MMEL1: variants seen among roughly 807,000 people sequenced by gnomAD.
MMEL1 encodes membrane metalloendopeptidase like 1.
In MMEL1, 98 loss-of-function variants were observed where a neutral mutation model predicts 117.1. That is an observed-to-expected ratio of 0.84 (90% CI 0.71 to 0.99). The LOEUF (loss-of-function observed/expected upper bound fraction) is 0.99. Among genes scored for constraint, MMEL1 ranks in the 50% least tolerant of loss-of-function variants. The probability of loss-of-function intolerance (pLI) is 0.00; values close to 1 mark genes in which losing one functional copy is unlikely to be tolerated. For missense variants in MMEL1, 1,014 were observed against 1,049.1 expected (o/e 0.97, Z 0.46); for synonymous variants, 390 against 415.1 (o/e 0.94, Z 0.74).
intron 2 of MMEL1, among the ~76,000 whole-genome samples, chr1:2,626,155 C>T (rs764976926): frequency 3.3e-5 from 5 of 152,108 alleles, no homozygotes; most frequent in Admixed American, 6.5e-5. Context: ...GATTATGTAC[C>T]GATTCATGGG....
At chr1:2,608,829 T>A (rs896383491) in intron 6 of MMEL1, among the ~76,000 whole-genome samples, 1 of 151,906 alleles carries the variant, frequency 6.6e-6, no homozygotes, top group Non-Finnish European at 1.5e-5. Flanking sequence ...ACAACACACA[T>A]ACATGCATAC....
chr1:2,597,467 C>G (rs1329736475), intron 13 of MMEL1, among the ~76,000 whole-genome samples: 1 of 152,070 alleles, frequency 6.6e-6, no homozygotes, highest in Non-Finnish European at 1.5e-5. Flanking sequence ...CTGCCCTTAG[C>G]CCCTATACCC....
chr1:2,607,869 G>C (rs1028705038), intron 6 of MMEL1, among the ~76,000 whole-genome samples: 4 of 152,116 alleles, frequency 2.6e-5, no homozygotes, highest in Non-Finnish European at 4.4e-5. Flanking sequence ...GAGGCTGCCT[G>C]TGATGAGGCA....
chr1:2,598,220 ACTC>A lies in MMEL1; in HGVS notation c.1256_1258del (p.Arg419_Val420delinsLeu). Reference sequence around the variant, plus strand: ...GAAGGGGCTCACCTTGCGGTAGTTCACTCGTGTGTCCTTGAATCTCTGGCTTAG... The same window carrying A: ...GAAGGGGCTCACCTTGCGGTAGTTCAGTGTGTCCTTGAATCTCTGGCTTAG... On this transcript the variant is annotated inframe_deletion, in exon 13 of 24. Coordinates refer to ENST00000378412, the MANE Select transcript of MMEL1 (RefSeq NM_033467.4). 1 of 1,613,638 alleles carries A rather than the reference ACTC, an allele frequency of 6.2e-7. No homozygotes were observed. The highest frequency in any genetic ancestry group is 8.5e-7 in the Non-Finnish European group (1 of 1,179,872).
At chr1:2,618,459 A>C (rs1645237876) in intron 2 of MMEL1, among the ~76,000 whole-genome samples, 2 of 152,220 alleles carry the variant, frequency 1.3e-5, no homozygotes, top group African/African-American at 4.8e-5. Flanking sequence ...GGACTAAAAC[A>C]ATCTTGATGT....
rs528720649 is a variant in MMEL1 at position 2,596,555 on chromosome 1, G to A, written c.1401+6C>T. On this transcript the variant is annotated splice_donor_region_variant and intron_variant, in intron 14 of 23. Transcript: ENST00000378412. ...CCCGCGTGGGCCATGGATGAGGGGC[G>A]CCCACCATGCTCTTGCTGTCTCCAG... 2.6e-5 allele frequency: 42 copies of A among 1,607,842 alleles called. No homozygotes were observed. The East Asian group carries it at 3.1e-4, about 12-fold the overall frequency.
chr1:2,594,262 G>T, intron 18 of MMEL1, 123 bp downstream of exon 18: 1 of 1,107,814 alleles, frequency 9.0e-7, no homozygotes, highest in South Asian at 1.4e-5. Context: ...GGGTGACATA[G>T]GAGAATGTTC....
chr1:2,611,418 AGGTCTGGTG>A, intron 3 of MMEL1, 78 bp from the exon 4 acceptor site: 1 of 462,526 alleles, frequency 2.2e-6, no homozygotes, highest in Middle Eastern at 5.9e-4. Context: ...GGGCGGGGCA[AGGTCTGGTG>A]GGTGTGGCAT....
Position 2,606,983 on chromosome 1 carries a change from C to G in MMEL1, c.622G>C (p.Glu208Gln). Residue 208 changes from glutamate (E) to glutamine (Q), a missense_variant, in exon 7 of 24, where the codon GAG becomes CAG. Physicochemically the swap from Glu to Gln is conservative, Grantham distance 29. Coordinates refer to ENST00000378412, the MANE Select transcript of MMEL1 (RefSeq NM_033467.4). ...GWPVAMDRWNETVGLEWELER... is the reference protein window; with the variant it reads ...GWPVAMDRWNQTVGLEWELER... ...CCAGGCCCGGCCTTACCTACGGTCT[C>G]GTTCCACCTGTCCATCGCCACCGGC... The G allele has an allele frequency of 6.2e-7, 1 of 1,612,736 alleles. No homozygotes were observed. The highest frequency in any genetic ancestry group is 8.5e-7 in the Non-Finnish European group (1 of 1,179,874).
At position 2,593,906 on chromosome 1, in the gene MMEL1, G is replaced by T. The variant is rs746281458; in HGVS notation, c.1775C>A (p.Pro592His). 1.9e-6 allele frequency: 3 copies of T among 1,610,700 alleles called. No individual in the cohort carries two copies. Among genetic ancestry groups the T allele is most frequent in the Admixed American group, 1.7e-5 (1 of 59,486 alleles). ...CTGTGGCTGCTCCTTGCTGAAGAAGGGGGGCTGGAGGATCCCGGCAGGGAA... is the reference window on the plus strand; with the variant it reads ...CTGTGGCTGCTCCTTGCTGAAGAAGTGGGGCTGGAGGATCCCGGCAGGGAA... Reference protein sequence around the residue: ...IVFPAGILQPPFFSKEQPQAL... With the variant: ...IVFPAGILQPHFFSKEQPQAL... The change falls in exon 19 of 24, where the codon CCC becomes CAC. Residue 592 changes from proline to histidine, a missense_variant. Transcript: ENST00000378412.
intron 1 of MMEL1, among the ~76,000 whole-genome samples, chr1:2,631,879 C>T (rs1167045733): frequency 6.6e-6 from 1 of 152,220 alleles, no homozygotes; most frequent in Non-Finnish European, 1.5e-5. Flanking sequence ...CCAATCACCT[C>T]CCCCTGAGGG....
Position 2,606,309 on chromosome 1 carries a change from C to T in MMEL1, c.689G>A (p.Arg230His), listed in dbSNP as rs142520543. 73 of 1,612,914 alleles carry T rather than the reference C, an allele frequency of 4.5e-5. No homozygotes were observed. In the South Asian group the frequency reaches 4.9e-4, roughly 11 times the overall value. The part of the protein sequence containing the change: ...LALMNSQFNR[R>H]VLIDLFIWND... ...CCAGATGAAGAGGTCGATGAGGACG[C>T]GCCTGTTGAACTGTGAGTTCATCAG... Residue 230 changes from arginine to histidine, a missense_variant, in exon 8 of 24, where the codon CGC becomes CAC. Transcript: ENST00000378412.
Position 2,591,036 on chromosome 1 carries a change from G to T in MMEL1, c.2294C>A (p.Ala765Asp), listed in dbSNP as rs777612232. The T allele has an allele frequency of 2.1e-5, 34 of 1,606,104 alleles. No homozygotes were observed. The South Asian group carries it at 3.1e-4, about 15-fold the overall frequency. Residue 765 changes from alanine (A) to aspartate (D), a missense_variant, in exon 24 of 24, where the codon GCC becomes GAC. Coordinates refer to ENST00000378412, the MANE Select transcript of MMEL1 (RefSeq NM_033467.4). ...CTTGGGGTGCATGGGGGTGCCCCGG[G>T]CACAGTGGAACGTGTCTGCGAAGGC... Reference protein sequence around the residue: ...LAAFADTFHCARGTPMHPKER... With the variant: ...LAAFADTFHCDRGTPMHPKER...
At chr1:2,599,682 A>G (rs938131942) in intron 11 of MMEL1, among the ~76,000 whole-genome samples, 4 of 152,178 alleles carry the variant, frequency 2.6e-5, no homozygotes, top group African/African-American at 7.2e-5. Context: ...ACATGGTGAA[A>G]CCCTGTGTCT....
chr1:2,614,912 A>T (rs967771440), intron 2 of MMEL1, among the ~76,000 whole-genome samples: 3 of 151,364 alleles, frequency 2.0e-5, no homozygotes, highest in African/African-American at 7.3e-5. Flanking sequence ...CCCCCAAAAA[A>T]CTCACCCCAA....
At chr1:2,591,359 C>G (rs759847809) in intron 23 of MMEL1, 198 bp downstream of exon 23, 20 of 604,664 alleles carry the variant, frequency 3.3e-5, no homozygotes, top group Non-Finnish European at 5.3e-5. Context: ...TAGGCTCCCC[C>G]TTCCTAAACC....
intron 6 of MMEL1, among the ~76,000 whole-genome samples, chr1:2,607,563 G>C (rs1645050388): frequency 6.6e-6 from 1 of 152,102 alleles, no homozygotes; most frequent in Admixed American, 6.5e-5. Context: ...CGACAAGCAG[G>C]GCTTTTGCAG....
intron 9 of MMEL1, 126 bp from the exon 10 acceptor site, chr1:2,604,407 C>G (rs1644988325): frequency 7.5e-7 from 1 of 1,336,752 alleles, no homozygotes; most frequent in Non-Finnish European, 1.0e-6. Flanking sequence ...CCCACCTTGA[C>G]CAGCAGGCTC....
At chr1:2,592,997 T>C (rs1330507299) in intron 19 of MMEL1, 31 bp from the exon 20 acceptor site, 20 of 1,607,936 alleles carry the variant, frequency 1.2e-5, no homozygotes, top group Non-Finnish European at 1.6e-5. Context: ...GCTGCCCACA[T>C]GCCCCTGGCT....
Sources: allele counts gnomAD v4.1 joint callset (sites outside exome capture counted in the v4.1 genomes callset), GRCh38; gene constraint gnomAD v4.1.1; transcripts MANE v1.5; gene names NCBI Gene and HGNC (gene_info 2026-07-23, HGNC 2026-07-21).